Variants in TGIF2 observed in about 807,000 individuals in gnomAD.
TGIF2 encodes the protein homeobox protein TGIF2.
In TGIF2, 5 loss-of-function variants were observed where a neutral mutation model predicts 15.1. The observed-to-expected ratio is 0.33, with a 90% confidence interval of 0.17 to 0.70. The LOEUF is 0.70. TGIF2 is among the 30% of genes least tolerant of loss of function. TGIF2 has a pLI of 0.67. For missense variants in TGIF2, 264 were observed against 302.5 expected, an observed-to-expected ratio of 0.87 and a Z score of 0.94; for synonymous variants, 131 against 128.9, an observed-to-expected ratio of 1.02 and a Z score of -0.11.
chr20:36,576,049 G>A lies in TGIF2; in HGVS notation c.-35+2304G>A, dbSNP rs557834830. Among the ~76,000 whole-genome samples, 26 of 150,974 alleles carry A rather than the reference G, an allele frequency of 1.7e-4. No individual in the cohort carries two copies. The East Asian group carries it at 1.9e-3, about 11-fold the overall frequency. ...GGAGATTGCAGTGAGCCAAGATTGC[G>A]CCACTGCACTCCAGCCTAGGCTACA... On this transcript the variant is annotated intron_variant, in intron 1 of 2. Transcript: ENST00000373872.
intron 1 of TGIF2, among the ~76,000 whole-genome samples, chr20:36,575,984 C>G (rs866224006): frequency 5.5e-4 from 83 of 151,350 alleles, no homozygotes; most frequent in African/African-American, 2.0e-3. Flanking sequence ...CCCAGCTGTT[C>G]GGGAGGCTGA....
At chr20:36,589,753 GTCACAGC>G (rs2038731767) in intron 2 of TGIF2, among the ~76,000 whole-genome samples, 1 of 152,036 alleles carries the variant, frequency 6.6e-6, no homozygotes, top group Admixed American at 6.6e-5. Flanking sequence ...CAGTGGCACA[GTCACAGC>G]TCACTGCAGC....
Position 36,591,542 on chromosome 20 carries a change from TCTC to T in TGIF2, c.*115_*117del, listed in dbSNP as rs2038769984. On this transcript the variant is annotated 3_prime_UTR_variant, in exon 3 of 3. Transcript: ENST00000373872. The surrounding 1 kb of genome is among the most constrained non-coding windows in gnomAD (Gnocchi z 5.3). ...GGATCACTGCCAAACATTGGGATCATCTCCTCTGTCCAGAGGTCTTCAACAGGA... is the reference window on the plus strand; with the variant it reads ...GGATCACTGCCAAACATTGGGATCATCTCTGTCCAGAGGTCTTCAACAGGA... 5 of 1,249,624 alleles carry T rather than the reference TCTC, an allele frequency of 4.0e-6. No homozygotes were observed. Among genetic ancestry groups the T allele is most frequent in the South Asian group, 2.9e-5 (2 of 68,800 alleles). 77.4% of individuals were successfully genotyped at this position (1,249,624 alleles called of 1,614,324 possible).
At chr20:36,586,384 A>G (rs772293980) in intron 2 of TGIF2, among the ~76,000 whole-genome samples, 12 of 152,082 alleles carry the variant, frequency 7.9e-5, no homozygotes, top group South Asian at 4.1e-4. Context: ...AGAGGGGGAA[A>G]TCACTAACAG....
intron 1 of TGIF2, chr20:36,574,906 G>C (rs2147917142): frequency 6.5e-6 from 1 of 153,864 alleles, no homozygotes; most frequent in African/African-American, 2.4e-5. Flanking sequence ...CAGAAAGTTC[G>C]TGCGGGAGTG....
intron 2 of TGIF2, among the ~76,000 whole-genome samples, chr20:36,590,086 G>T (rs2038739045): frequency 1.3e-5 from 2 of 152,164 alleles, no homozygotes; most frequent in African/African-American, 4.8e-5. Context: ...CTCCTGGGTA[G>T]CTGGGGCTAT....
At chr20:36,575,484 C>CTG (rs1182052611) in intron 1 of TGIF2, among the ~76,000 whole-genome samples, 1 of 152,162 alleles carries the variant, frequency 6.6e-6, no homozygotes, top group Non-Finnish European at 1.5e-5. Context: ...ATCACTGAGC[C>CTG]CAGATCCCAG....
At chr20:36,586,702 C>G (rs1486557286) in intron 2 of TGIF2, among the ~76,000 whole-genome samples, 1 of 138,888 alleles carries the variant, frequency 7.2e-6, no homozygotes, top group Non-Finnish European at 1.5e-5. Flanking sequence ...TTCCCCCCCC[C>G]CAAAAAAAAA....
chr20:36,589,607 G>A (rs2038728368), intron 2 of TGIF2, among the ~76,000 whole-genome samples: 1 of 152,126 alleles, frequency 6.6e-6, no homozygotes, highest in Non-Finnish European at 1.5e-5. Flanking sequence ...TGGCCAGGCT[G>A]GTCTCAAACT....
intron 2 of TGIF2, among the ~76,000 whole-genome samples, chr20:36,585,484 A>C (rs1182617672): frequency 1.3e-5 from 2 of 150,878 alleles, no homozygotes; most frequent in Admixed American, 1.3e-4. Flanking sequence ...AAAAAAAAAA[A>C]AAAACTCCAC....
intron 1 of TGIF2, among the ~76,000 whole-genome samples, chr20:36,577,776 A>G (rs2038462858): frequency 6.6e-6 from 1 of 151,958 alleles, no homozygotes; most frequent in Non-Finnish European, 1.5e-5. Flanking sequence ...GGCCTCCCAA[A>G]GTGCTAGGAT....
At chr20:36,585,581 C>CT (rs1322688208) in intron 2 of TGIF2, among the ~76,000 whole-genome samples, 1 of 151,852 alleles carries the variant, frequency 6.6e-6, no homozygotes, top group Non-Finnish European at 1.5e-5. Flanking sequence ...TGTTTTATCT[C>CT]TCCCTGGGGA....
chr20:36,577,070 T>G (rs1325595404), intron 1 of TGIF2, among the ~76,000 whole-genome samples: 2 of 152,126 alleles, frequency 1.3e-5, no homozygotes, highest in East Asian at 3.8e-4. Flanking sequence ...TGACATGCAC[T>G]GGTGCGATCA....
chr20:36,585,560 T>A (rs559289371), intron 2 of TGIF2, among the ~76,000 whole-genome samples: 2 of 152,144 alleles, frequency 1.3e-5, no homozygotes, highest in Admixed American at 1.3e-4. Context: ...GTATCAACAT[T>A]TTGCCAAGCT....
chr20:36,578,693 G>C, intron 1 of TGIF2, 48 bp from the exon 2 acceptor site: 1 of 1,505,266 alleles, frequency 6.6e-7, no homozygotes, highest in Admixed American at 2.2e-5. Flanking sequence ...ACTAGGAAAA[G>C]GCGGTACGTG....
intron 1 of TGIF2, among the ~76,000 whole-genome samples, chr20:36,575,944 T>C (rs1008105793): frequency 6.7e-6 from 1 of 148,292 alleles, no homozygotes; most frequent in Non-Finnish European, 1.5e-5. Flanking sequence ...AAAAAAAAAA[T>C]AGCTAGATGT....
chr20:36,590,628 G>A (rs188476142), intron 2 of TGIF2, among the ~76,000 whole-genome samples: 1 of 152,134 alleles, frequency 6.6e-6, no homozygotes, highest in Middle Eastern at 3.2e-3. Flanking sequence ...CCAGTGGTGC[G>A]ATCATAGCTC....
In TGIF2 at chr20:36,578,958, G is replaced by C; in HGVS notation, c.184G>C (p.Val62Leu). Residue 62 changes from valine to leucine, a missense_variant, in exon 2 of 3, where the codon GTG becomes CTG. Transcript: ENST00000373872. ...CCTTTCTGGACAGACCAACCTGTCA[G>C]TGCTGCAAGTAAGGAGGGGATCTGG... The part of the protein sequence containing the change: ...LSLSGQTNLS[V>L]LQICNWFINA... 1.2e-6 allele frequency: 2 copies of C among 1,613,794 alleles called. No homozygotes were observed. The highest frequency in any genetic ancestry group is 1.7e-6 in the Non-Finnish European group (2 of 1,179,856).
intron 1 of TGIF2, chr20:36,574,449 G>T (rs992654199): frequency 1.3e-5 from 2 of 149,090 alleles, no homozygotes; most frequent in Admixed American, 1.3e-4. Flanking sequence ...TGGGGGGGGG[G>T]GGGCGGCGCG....
Sources: gnomAD v4.1 joint callset for allele counts (sites outside exome capture counted in the v4.1 genomes callset) on GRCh38, gnomAD v4.1.1 for gene constraint, Gnocchi (gnomAD v3.1) non-coding constraint, MANE v1.5 for transcripts, NCBI Gene and HGNC (gene_info 2026-07-23, HGNC 2026-07-21) for gene names.